The following CRY2 variants were observed in gnomAD, a reference collection of about 807,000 sequenced individuals.
CRY2 encodes cryptochrome-2.
In CRY2, 31 loss-of-function variants were observed where a neutral mutation model predicts 69.5. The ratio of observed to expected loss-of-function variants is 0.45; its 90% confidence interval spans 0.34 to 0.60. CRY2 has a LOEUF of 0.60. Ranked by LOEUF, CRY2 falls within the 20% of genes least tolerant of loss-of-function variation. The pLI, the probability that CRY2 is intolerant of heterozygous loss-of-function variation, is 0.02. For missense variants in CRY2, 606 were observed against 797.8 expected, an observed-to-expected ratio of 0.76 and a Z score of 2.90; for synonymous variants, 303 against 312.2, an observed-to-expected ratio of 0.97 and a Z score of 0.31.
rs1439498265 is a variant in CRY2 at position 45,870,908 on chromosome 11, G to A, written c.1616G>A (p.Ser539Asn). Residue 539 changes from serine (S) to asparagine (N), a missense_variant, in exon 10 of 12, where the codon AGC becomes AAC. By Grantham distance (46) the Ser-to-Asn change is conservative. Coordinates refer to ENST00000616080, the MANE Select transcript of CRY2 (RefSeq NM_021117.5). ...LSHPVAEPSS[S>N]QAGSMSSAGP... ...CACCCTGTGGCAGAGCCCAGCTCGA[G>A]CCAGGCTGGCAGCATGAGCAGTGCA... 1.9e-6 allele frequency: 3 copies of A among 1,612,338 alleles called. No homozygotes were observed. In the South Asian group the frequency reaches 3.3e-5, roughly 18 times the overall value.
At chr11:45,864,545 A>G (rs894110560) in intron 5 of CRY2, among the ~76,000 whole-genome samples, 2 of 152,002 alleles carry the variant, frequency 1.3e-5, no homozygotes, top group African/African-American at 4.8e-5. Context: ...ACTTAAGCCC[A>G]GGAAGTCATG....
At chr11:45,880,050 C>G (rs1415698366) in intron 11 of CRY2, among the ~76,000 whole-genome samples, 1 of 152,212 alleles carries the variant, frequency 6.6e-6, no homozygotes, top group Non-Finnish European at 1.5e-5. Flanking sequence ...CAGTCACCTT[C>G]TGGGGTACTG....
chr11:45,878,920 TAAAAAAAAAA>T (rs57461093), intron 11 of CRY2, among the ~76,000 whole-genome samples: 6 of 49,374 alleles, frequency 1.2e-4, no homozygotes, highest in African/African-American at 3.4e-4. Context: ...CTCCATCTAT[TAAAAAAAAAA>T]AAAAAAAAAA....
In CRY2 at chr11:45,852,952, G is replaced by A. The variant is rs1429778079; in HGVS notation, c.216-3030G>A. Among the ~76,000 whole-genome samples the A allele has an allele frequency of 2.0e-5, 3 of 152,314 alleles. No homozygotes were observed. The East Asian group carries it at 5.8e-4, about 29-fold the overall frequency. ...ACCACACTCAGAGGAGGAAAGATCT[G>A]GCAGCAGAGGTGTTGCTGGCCTTTG... is the stretch of plus-strand genomic sequence containing the variant. On this transcript the variant is annotated intron_variant, in intron 1 of 11. Transcript: ENST00000616080.
At chr11:45,877,100 C>A (rs1223155152) in intron 11 of CRY2, among the ~76,000 whole-genome samples, 2 of 152,220 alleles carry the variant, frequency 1.3e-5, no homozygotes, top group African/African-American at 4.8e-5. Flanking sequence ...TAGGCGTTGA[C>A]TGATGGCTGT....
Position 45,861,030 on chromosome 11 carries a change from T to C in CRY2, c.650T>C (p.Leu217Pro). The C allele has an allele frequency of 6.2e-7, 1 of 1,611,642 alleles. No individual in the cohort carries two copies. The highest frequency in any genetic ancestry group is 8.5e-7 in the Non-Finnish European group (1 of 1,179,326). Reference protein sequence around the residue: ...ETYGVPSLEELGFPTEGLGPA... With the variant: ...ETYGVPSLEEPGFPTEGLGPA... ...TACGGCGTGCCCTCCCTGGAGGAGC[T>C]GGGTGCGTACTTCCTGCCCAGAGCC... The change falls in exon 4 of 12, where the codon CTG becomes CCG. Residue 217 changes from leucine to proline, a missense_variant and splice_region_variant. This residue lies in a region of CRY2 where 382 missense variants were observed against 508.9 expected (regional missense o/e 0.75). Coordinates refer to ENST00000616080, the MANE Select transcript of CRY2 (RefSeq NM_021117.5).
upstream of CRY2, chr11:45,847,180 T>A: frequency 6.5e-7 from 1 of 1,548,772 alleles, no homozygotes; most frequent in South Asian, 1.2e-5. Flanking sequence ...CCCTTGAGAC[T>A]TGGCCTACTC....
At position 45,861,919 on chromosome 11, in the gene CRY2, A is replaced by C. The variant is rs2271850; in HGVS notation, c.653-141A>C. 6,859 of 725,412 alleles carry C rather than the reference A, an allele frequency of 9.5e-3. 281 individuals are homozygous for C. Among genetic ancestry groups the C allele is most frequent in the South Asian group, 0.077 (4,468 of 57,796 alleles). 44.9% of individuals were successfully genotyped at this position (725,412 alleles called of 1,614,324 possible). On this transcript the variant is annotated intron_variant, in intron 4 of 11. Coordinates refer to ENST00000616080, the MANE Select transcript of CRY2 (RefSeq NM_021117.5). Reference sequence around the variant, plus strand: ...AACCAAGTTGACCTAGAAAACGCTAAAACTTTAAGGATTATCTAACCCCCA... The same window carrying C: ...AACCAAGTTGACCTAGAAAACGCTACAACTTTAAGGATTATCTAACCCCCA...
chr11:45,862,242 T>C (rs1279038982), intron 5 of CRY2, 94 bp downstream of exon 5: 9 of 1,209,074 alleles, frequency 7.4e-6, no homozygotes, highest in Non-Finnish European at 1.0e-5. Flanking sequence ...CCCTCTTAGC[T>C]CACATTGTTT....
chr11:45,859,561 CA>C (rs528228201), intron 3 of CRY2, among the ~76,000 whole-genome samples: 2,397 of 122,312 alleles, frequency 0.02, 15 homozygotes, highest in East Asian at 0.051. Context: ...GATCCTGTGT[CA>C]AAAAAAAAAA....
At chr11:45,865,688 G>A (rs1012315349) in intron 5 of CRY2, among the ~76,000 whole-genome samples, 5 of 151,092 alleles carry the variant, frequency 3.3e-5, no homozygotes, top group Admixed American at 2.6e-4. Context: ...GGCAGCAGGA[G>A]GCGGAGGGTA....
intron 11 of CRY2, among the ~76,000 whole-genome samples, chr11:45,875,805 T>G (rs527267356): frequency 6.6e-6 from 1 of 152,354 alleles, no homozygotes; most frequent in South Asian, 2.1e-4. Flanking sequence ...GGCCTAAAGA[T>G]GCTTAGCATC....
intron 5 of CRY2, among the ~76,000 whole-genome samples, chr11:45,865,768 GCTGGAAAGGC>G (rs1473930617): frequency 1.3e-5 from 2 of 152,218 alleles, no homozygotes; most frequent in Non-Finnish European, 2.9e-5. Flanking sequence ...AAGAGACAGA[GCTGGAAAGGC>G]CTGGGTGCTG....
chr11:45,850,035 CT>C (rs2086185467), intron 1 of CRY2, among the ~76,000 whole-genome samples: 2 of 148,916 alleles, frequency 1.3e-5, no homozygotes, highest in Non-Finnish European at 3.0e-5. Context: ...AGACGGGGTC[CT>C]GCTCAAGTGA....
chr11:45,847,924 A>G (rs1210572288), intron 1 of CRY2, among the ~76,000 whole-genome samples: 1 of 152,172 alleles, frequency 6.6e-6, no homozygotes, highest in Non-Finnish European at 1.5e-5. Context: ...GAGCCTCACA[A>G]CTGCCTGTGG....
intron 11 of CRY2, among the ~76,000 whole-genome samples, chr11:45,875,604 G>A (rs563908293): frequency 2.6e-5 from 4 of 152,172 alleles, no homozygotes; most frequent in Admixed American, 6.5e-5. Flanking sequence ...GGTTTACTCT[G>A]CCCTCCACTG....
intron 4 of CRY2, chr11:45,861,578 A>T (rs918303075): frequency 5.8e-6 from 1 of 173,802 alleles, no homozygotes; most frequent in Admixed American, 6.1e-5. Context: ...AGTAGCTGGG[A>T]CTACAGGCGC....
rs1016608040 is a variant in CRY2 at position 45,847,502 on chromosome 11, T to C, written c.12T>C (p.Thr4=). 1.3e-6 allele frequency: 2 copies of C among 1,595,932 alleles called. No individual in the cohort carries two copies. Among genetic ancestry groups the C allele is most frequent in the South Asian group, 1.1e-5 (1 of 89,702 alleles). Residue 4 remains threonine, a synonymous_variant, in exon 1 of 12, where the codon ACT becomes ACC. Coordinates refer to ENST00000616080, the MANE Select transcript of CRY2 (RefSeq NM_021117.5). MAA[T]VATAAAVAPA... ...CAGTCTGGACAGTCATGGCGGCGACTGTGGCGACGGCGGCAGCTGTGGCCC... is the reference window on the plus strand; with the variant it reads ...CAGTCTGGACAGTCATGGCGGCGACCGTGGCGACGGCGGCAGCTGTGGCCC...
At chr11:45,870,609 G>A (rs749387437) in intron 9 of CRY2, 77 bp downstream of exon 9, 2 of 1,530,018 alleles carry the variant, frequency 1.3e-6, no homozygotes, top group Non-Finnish European at 1.8e-6. Flanking sequence ...GGGATGTCCA[G>A]ATACTTGCAA....
Sources: allele counts gnomAD v4.1 joint callset (sites outside exome capture counted in the v4.1 genomes callset), GRCh38; gene constraint gnomAD v4.1.1; regional missense constraint gnomAD v4.1.1; transcripts MANE v1.5; gene names NCBI Gene and HGNC (gene_info 2026-07-23, HGNC 2026-07-21).